The following CYP7B1 variants were observed in gnomAD, a reference collection of about 807,000 sequenced individuals.
CYP7B1 encodes the protein cytochrome P450 family 7 subfamily B member 1.
CYP7B1 carries 29 observed loss-of-function variants against 42.7 expected under a neutral mutation model. The ratio of observed to expected loss-of-function variants is 0.68; its 90% CI spans 0.51 to 0.93. The LOEUF is 0.93. CYP7B1 is among the 40% of genes least tolerant of loss of function. The pLI, the probability that CYP7B1 is intolerant of heterozygous loss-of-function variation, is 0.00. For synonymous variants in CYP7B1, 235 were observed against 218.2 expected (o/e 1.08, Z -0.68); for missense variants, 655 against 600.5 (o/e 1.09, Z -0.95).
At chr8:64,757,079 A>C (rs768947252) in intron 1 of CYP7B1, among the ~76,000 whole-genome samples, 8 of 152,174 alleles carry the variant, frequency 5.3e-5, no homozygotes, top group Admixed American at 6.5e-5. Context: ...CTAGGGTGAG[A>C]GCTCAAGCAT....
Position 64,686,856 on chromosome 8 carries a change from T to G in CYP7B1, c.123-62317A>C, listed in dbSNP as rs1266130053. ...CCAACCCTGTGTTCTCTGAAACATG[T>G]GCTGTGTCCACTCAGGGTTAAATGG... On this transcript the variant is annotated intron_variant, in intron 1 of 5. Coordinates refer to ENST00000310193, the MANE Select transcript of CYP7B1 (RefSeq NM_004820.5). Among the ~76,000 whole-genome samples, 5 of 79,748 alleles carry G rather than the reference T, an allele frequency of 6.3e-5. 1 individual carries two copies. The East Asian group carries it at 1.2e-3, about 19-fold the overall frequency. 52.3% of individuals were successfully genotyped at this position (79,748 alleles called of 152,430 possible). A position where few individuals can be genotyped will look rare whatever the true frequency, so the allele number is the denominator to read the frequency against.
chr8:64,667,566 A>T (rs1369302251), intron 1 of CYP7B1, among the ~76,000 whole-genome samples: 3 of 152,184 alleles, frequency 2.0e-5, no homozygotes, highest in Admixed American at 2.0e-4. Context: ...AACTATTATT[A>T]TCTGATCTTT....
chr8:64,762,897 G>T (rs772792579), intron 1 of CYP7B1, among the ~76,000 whole-genome samples: 32 of 152,136 alleles, frequency 2.1e-4, no homozygotes, highest in Non-Finnish European at 3.8e-4. Flanking sequence ...AGATAAATAG[G>T]TACACATAGT....
chr8:64,728,835 G>T (rs916401563), intron 1 of CYP7B1: 3 of 152,140 alleles, frequency 2.0e-5, no homozygotes, highest in Non-Finnish European at 4.4e-5. Flanking sequence ...AGTGAAAAAA[G>T]ACTGTTAAGA....
At chr8:64,692,739 AT>A (rs1310808169) in intron 1 of CYP7B1, among the ~76,000 whole-genome samples, 5 of 152,076 alleles carry the variant, frequency 3.3e-5, no homozygotes, top group Non-Finnish European at 7.4e-5. Flanking sequence ...TACTCAGATT[AT>A]TTTTTCTTGC....
At chr8:64,708,504 T>A (rs1334171590) in intron 1 of CYP7B1, among the ~76,000 whole-genome samples, 1 of 152,182 alleles carries the variant, frequency 6.6e-6, no homozygotes, top group Non-Finnish European at 1.5e-5. Flanking sequence ...TTTTTAAATA[T>A]AATGTCAGTA....
At chr8:64,776,175 C>G (rs1458720432) in intron 1 of CYP7B1, among the ~76,000 whole-genome samples, 3 of 152,166 alleles carry the variant, frequency 2.0e-5, no homozygotes, top group African/African-American at 7.2e-5. Context: ...TGCTTCTTTA[C>G]TTGATCTTAC....
Position 64,748,648 on chromosome 8 carries a change from G to T in CYP7B1, c.122+49818C>A, listed in dbSNP as rs7813732. On this transcript the variant is annotated intron_variant, in intron 1 of 5. Coordinates refer to ENST00000310193, the MANE Select transcript of CYP7B1 (RefSeq NM_004820.5). The stretch of plus-strand genomic sequence containing the variant: ...TCCCCTACCATCCAGTGAAATGTTA[G>T]TATTCTTCAGGGTTCTATTGACTAC... Among the ~76,000 whole-genome samples, 373 of 152,226 alleles carry T rather than the reference G, an allele frequency of 2.5e-3. 2 individuals carry two copies. The highest frequency in any genetic ancestry group is 8.3e-3 in the African/African-American group (345 of 41,544).
At chr8:64,718,693 T>C (rs1807192882) in intron 1 of CYP7B1, among the ~76,000 whole-genome samples, 1 of 152,232 alleles carries the variant, frequency 6.6e-6, no homozygotes, top group Non-Finnish European at 1.5e-5. Flanking sequence ...TTGATGGAGC[T>C]TCCTGTGGGC....
At chr8:64,674,555 T>C (rs1003744638) in intron 1 of CYP7B1, among the ~76,000 whole-genome samples, 4 of 152,174 alleles carry the variant, frequency 2.6e-5, no homozygotes, top group South Asian at 2.1e-4. Flanking sequence ...AGGGGTAGCA[T>C]TGATGCTCCA....
chr8:64,621,978 G>A (rs955238445), intron 2 of CYP7B1, among the ~76,000 whole-genome samples: 18 of 151,038 alleles, frequency 1.2e-4, no homozygotes, highest in African/African-American at 1.2e-4. Flanking sequence ...TTCCTACCTC[G>A]TGATCCACCC....
chr8:64,725,968 G>T (rs1267040455), intron 1 of CYP7B1, among the ~76,000 whole-genome samples: 3 of 152,172 alleles, frequency 2.0e-5, no homozygotes, highest in African/African-American at 7.2e-5. Context: ...CAGGGCCAGA[G>T]ATTTCTGAGT....
Position 64,594,974 on chromosome 8 carries a change from C to G in CYP7B1, c.*1668G>C, listed in dbSNP as rs1221727438. 6.6e-6 allele frequency among the ~76,000 whole-genome samples: 1 copy of G among 152,180 alleles called. No individual in the cohort carries two copies. The highest frequency in any genetic ancestry group is 1.5e-5 in the Non-Finnish European group (1 of 68,036). On this transcript the variant is annotated 3_prime_UTR_variant, in exon 6 of 6. Coordinates refer to ENST00000310193, the MANE Select transcript of CYP7B1 (RefSeq NM_004820.5). ...ATGAGAAACAGAAAGAAACTAAGAA[C>G]ATCAAAGACAAAGAGGACACGTTAA...
At chr8:64,632,650 T>C (rs891927877) in intron 1 of CYP7B1, among the ~76,000 whole-genome samples, 1 of 152,106 alleles carries the variant, frequency 6.6e-6, no homozygotes, top group Admixed American at 6.6e-5. Flanking sequence ...CACCCATTCA[T>C]GATAAAACTC....
intron 2 of CYP7B1, among the ~76,000 whole-genome samples, chr8:64,617,741 T>C (rs1805469313): frequency 1.3e-5 from 2 of 151,930 alleles, no homozygotes; most frequent in Admixed American, 6.6e-5. Flanking sequence ...TTGTTATTTA[T>C]GGTAACTCAA....
At chr8:64,773,825 G>C (rs1804276528) in intron 1 of CYP7B1, among the ~76,000 whole-genome samples, 1 of 152,216 alleles carries the variant, frequency 6.6e-6, no homozygotes, top group Admixed American at 6.5e-5. Flanking sequence ...AAGCCAGAGA[G>C]AGCTCACTTT....
chr8:64,764,229 G>GCCCCCCCCCCCCCCCCCCCC (rs59605103), intron 1 of CYP7B1, among the ~76,000 whole-genome samples: 26 of 125,210 alleles, frequency 2.1e-4, no homozygotes, highest in Admixed American at 2.6e-4. Context: ...CTTCCACGCT[G>GCCCCCCCCCCCCCCCCCCCC]CCCCCCCCAC....
intron 1 of CYP7B1, among the ~76,000 whole-genome samples, chr8:64,745,535 G>A (rs1807631093): frequency 6.6e-6 from 1 of 152,120 alleles, no homozygotes; most frequent in Non-Finnish European, 1.5e-5. Context: ...TGCCACCAGA[G>A]TTAATTTTTT....
intron 1 of CYP7B1, among the ~76,000 whole-genome samples, chr8:64,659,595 A>C (rs1806171327): frequency 6.6e-6 from 1 of 152,216 alleles, no homozygotes; most frequent in Admixed American, 6.6e-5. Context: ...TTAGCACAAC[A>C]TTATAATAAG....
Sources: gnomAD v4.1 joint callset for allele counts (sites outside exome capture counted in the v4.1 genomes callset) on GRCh38, gnomAD v4.1.1 for gene constraint, MANE v1.5 for transcripts, NCBI Gene and HGNC (gene_info 2026-07-23, HGNC 2026-07-21) for gene names.